Variants in TBCA observed in about 807,000 individuals in gnomAD.
TBCA encodes the protein tubulin-specific chaperone A.
In TBCA, 6 loss-of-function variants were observed where a neutral mutation model predicts 15.8. The observed-to-expected ratio is 0.38, with a 90% CI of 0.21 to 0.75. The LOEUF (loss-of-function observed/expected upper bound fraction) is 0.75. Among genes scored for constraint, TBCA ranks in the 30% least tolerant of loss-of-function variants. The pLI is 0.46. For missense variants in TBCA, 90 were observed against 131.2 expected, an observed-to-expected ratio of 0.69 and a Z score of 1.53; for synonymous variants, 32 against 42.3, an observed-to-expected ratio of 0.76 and a Z score of 0.94.
chr5:77,702,722 T>C (rs988358376), intron 2 of TBCA, among the ~76,000 whole-genome samples: 3 of 152,198 alleles, frequency 2.0e-5, no homozygotes, highest in African/African-American at 7.2e-5. Flanking sequence ...GATACTAACA[T>C]TGGGGAAGGA....
At chr5:77,773,444 T>C (rs774842776) in intron 1 of TBCA, among the ~76,000 whole-genome samples, 27 of 152,332 alleles carry the variant, frequency 1.8e-4, no homozygotes, top group Non-Finnish European at 3.4e-4. Context: ...ATTTGCCACA[T>C]ACTGTATTAA....
chr5:77,758,578 G>A (rs945548902), intron 1 of TBCA, among the ~76,000 whole-genome samples: 3 of 152,142 alleles, frequency 2.0e-5, no homozygotes, highest in Admixed American at 1.3e-4. Context: ...TCTACAACAC[G>A]GTGTCTGAGA....
At chr5:77,699,714 G>C (rs1745963218) in intron 2 of TBCA, among the ~76,000 whole-genome samples, 1 of 152,034 alleles carries the variant, frequency 6.6e-6, no homozygotes, top group Admixed American at 6.6e-5. Context: ...TTCATAAAAG[G>C]AAGTACTGAT....
intron 3 of TBCA, chr5:77,692,019 A>C (rs1745762199): frequency 1.0e-6 from 1 of 985,254 alleles, no homozygotes; most frequent in South Asian, 4.7e-5. Flanking sequence ...CACTAAAGGA[A>C]ACAAAATACA....
chr5:77,723,650 T>C (rs776735925), intron 1 of TBCA, among the ~76,000 whole-genome samples: 3 of 152,032 alleles, frequency 2.0e-5, no homozygotes, highest in Non-Finnish European at 4.4e-5. Flanking sequence ...TAGTCCATTG[T>C]ATGAAATTTT....
intron 1 of TBCA, among the ~76,000 whole-genome samples, chr5:77,751,155 C>G (rs1022317257): frequency 1.2e-4 from 13 of 106,904 alleles, no homozygotes; most frequent in Non-Finnish European, 1.7e-4. Flanking sequence ...GTCTTTCTTT[C>G]TTTCTTTTTT....
At chr5:77,714,558 TTAC>T (rs1746353892) in intron 1 of TBCA, among the ~76,000 whole-genome samples, 1 of 130,896 alleles carries the variant, frequency 7.6e-6, no homozygotes, top group Non-Finnish European at 1.6e-5. Context: ...TTAACAATTA[TTAC>T]TATTATTATT....
intron 1 of TBCA, among the ~76,000 whole-genome samples, chr5:77,751,346 TA>T (rs1209003739): frequency 6.6e-6 from 1 of 151,914 alleles, no homozygotes; most frequent in Non-Finnish European, 1.5e-5. Flanking sequence ...TATTTTTTAG[TA>T]AAGACAATTT....
intron 3 of TBCA, chr5:77,692,388 G>A (rs1745771623): frequency 1.0e-6 from 1 of 983,754 alleles, no homozygotes; most frequent in African/African-American, 1.7e-5. Context: ...TTCAAGGGCA[G>A]AGATATTGTT....
intron 2 of TBCA, among the ~76,000 whole-genome samples, chr5:77,701,586 T>G (rs1019409052): frequency 7.3e-5 from 11 of 150,656 alleles, no homozygotes; most frequent in African/African-American, 2.7e-4. Context: ...ATGAAAAAGA[T>G]ACTTGCACAC....
At chr5:77,755,628 A>T (rs1376368262) in intron 1 of TBCA, among the ~76,000 whole-genome samples, 1 of 152,112 alleles carries the variant, frequency 6.6e-6, no homozygotes, top group East Asian at 1.9e-4. Flanking sequence ...ACAAGAACAG[A>T]CCTAATATGT....
At chr5:77,745,227 T>G (rs988141981) in intron 1 of TBCA, among the ~76,000 whole-genome samples, 1 of 152,162 alleles carries the variant, frequency 6.6e-6, no homozygotes, top group Non-Finnish European at 1.5e-5. Flanking sequence ...CAGAAAACAT[T>G]AGTATTCAAT....
At chr5:77,751,159 C>CTTTTTTTTTTTTTTTT (rs10573352) in intron 1 of TBCA, among the ~76,000 whole-genome samples, 1 of 81,936 alleles carries the variant, frequency 1.2e-5, no homozygotes, top group Non-Finnish European at 2.4e-5. Flanking sequence ...TTCTTTCTTT[C>CTTTTTTTTTTTTTTTT]TTTTTTTTTT....
At chr5:77,760,341 G>T (rs254382) in intron 1 of TBCA, among the ~76,000 whole-genome samples, 32,896 of 152,174 alleles carry the variant, frequency 0.22, 4,529 homozygotes, top group Non-Finnish European at 0.31. Context: ...TTAGGAATTT[G>T]AGTAATTATT....
At chr5:77,710,508 T>G (rs939876878) in intron 1 of TBCA, among the ~76,000 whole-genome samples, 1 of 152,208 alleles carries the variant, frequency 6.6e-6, no homozygotes, top group African/African-American at 2.4e-5. Flanking sequence ...ATGATTTTAT[T>G]TGACTCACAA....
intron 1 of TBCA, among the ~76,000 whole-genome samples, chr5:77,736,984 C>A (rs1746923575): frequency 1.3e-5 from 2 of 152,108 alleles, no homozygotes; most frequent in Admixed American, 6.5e-5. Flanking sequence ...AAACTAAAGG[C>A]ATATATGTAT....
chr5:77,714,818 G>A (rs1171936779), intron 1 of TBCA, among the ~76,000 whole-genome samples: 2 of 151,902 alleles, frequency 1.3e-5, no homozygotes, highest in East Asian at 1.9e-4. Flanking sequence ...CGCCCACCTC[G>A]ACCTCCCAAA....
chr5:77,734,992 T>C (rs530259446), intron 1 of TBCA, among the ~76,000 whole-genome samples: 3 of 152,252 alleles, frequency 2.0e-5, no homozygotes, highest in African/African-American at 7.2e-5. Context: ...TTTTAAATTA[T>C]GGTATGTACA....
intron 1 of TBCA, among the ~76,000 whole-genome samples, chr5:77,710,718 A>G (rs1040468389): frequency 6.6e-6 from 1 of 152,238 alleles, no homozygotes; most frequent in African/African-American, 2.4e-5. Context: ...CCTTGCCTCA[A>G]TTCACATAAC....
Sources: gnomAD v4.1 joint callset for allele counts (sites outside exome capture counted in the v4.1 genomes callset) on GRCh38, gnomAD v4.1.1 for gene constraint, MANE v1.5 for transcripts, NCBI Gene and HGNC (gene_info 2026-07-23, HGNC 2026-07-21) for gene names.